SAP130: variants seen among roughly 807,000 people sequenced by gnomAD.
The protein encoded by SAP130 is Sin3A associated protein 130, also known as histone deacetylase complex subunit SAP130.
A neutral mutation model predicts 103.2 loss-of-function variants in SAP130; 16 were observed. The observed-to-expected ratio is 0.16, with a 90% CI of 0.10 to 0.24. The LOEUF is 0.24. Ranked by LOEUF, SAP130 falls within the 10% of genes least tolerant of loss-of-function variation. SAP130 has a pLI of 1.00. For missense variants in SAP130, 990 were observed against 1,359.7 expected, an observed-to-expected ratio of 0.73 and a Z score of 4.28; for synonymous variants, 477 against 497.0, an observed-to-expected ratio of 0.96 and a Z score of 0.53.
intron 18 of SAP130, among the ~76,000 whole-genome samples, chr2:127,946,539 C>T (rs77223214): frequency 0.08 from 12,112 of 151,886 alleles, 962 homozygotes; most frequent in African/African-American, 0.2. Flanking sequence ...ATGGTTTTCC[C>T]CCCAAAGACA....
At chr2:128,024,388 G>A (rs1480603199) in intron 2 of SAP130, among the ~76,000 whole-genome samples, 1 of 152,034 alleles carries the variant, frequency 6.6e-6, no homozygotes, top group African/African-American at 2.4e-5. Context: ...ATTAGACAAG[G>A]GCCATAGCTC....
intron 16 of SAP130, among the ~76,000 whole-genome samples, chr2:127,951,733 G>A (rs1474387102): frequency 1.3e-5 from 2 of 152,072 alleles, no homozygotes; most frequent in South Asian, 2.1e-4. Flanking sequence ...ACTGAATGTC[G>A]CCAGAGGGAG....
chr2:127,987,466 G>A (rs1012250673), intron 13 of SAP130, among the ~76,000 whole-genome samples: 5 of 152,056 alleles, frequency 3.3e-5, no homozygotes, highest in East Asian at 1.9e-4. Context: ...GATTACAGGC[G>A]TGAGCCACCA....
chr2:127,944,618 CAG>C (rs910853748), intron 19 of SAP130, among the ~76,000 whole-genome samples: 2 of 152,030 alleles, frequency 1.3e-5, no homozygotes, highest in African/African-American at 4.8e-5. Context: ...TTAGTAGAGA[CAG>C]GGGTTTCACC....
At chr2:128,003,405 G>A (rs1268234750) in intron 7 of SAP130, among the ~76,000 whole-genome samples, 1 of 149,996 alleles carries the variant, frequency 6.7e-6, no homozygotes, top group East Asian at 2.0e-4. Flanking sequence ...TACTCAGGAG[G>A]CTGAGGTGGG....
intron 2 of SAP130, among the ~76,000 whole-genome samples, chr2:128,022,396 T>C (rs1008880528): frequency 6.6e-6 from 1 of 152,370 alleles, no homozygotes; most frequent in African/African-American, 2.4e-5. Context: ...GTTTTGGCTA[T>C]TATGAATACA....
intron 2 of SAP130, among the ~76,000 whole-genome samples, chr2:128,020,156 ACT>A (rs2105231574): frequency 6.6e-6 from 1 of 152,190 alleles, no homozygotes; most frequent in South Asian, 2.1e-4. Context: ...TATTCATTTG[ACT>A]TTTTTTTCTT....
At chr2:128,012,941 G>GA in intron 6 of SAP130, 89 bp downstream of exon 6, 1 of 1,287,626 alleles carries the variant, frequency 7.8e-7, no homozygotes, top group Non-Finnish European at 1.0e-6. Context: ...CAACTAGATG[G>GA]AAAGTCCCTG....
At chr2:128,026,731 C>T (rs1685523072) in intron 1 of SAP130, among the ~76,000 whole-genome samples, 2 of 152,234 alleles carry the variant, frequency 1.3e-5, no homozygotes. Context: ...AGGAAGATAT[C>T]CAGCCCTAAG....
Position 127,942,048 on chromosome 2 carries a change from A to T in SAP130, c.3132T>A (p.Thr1044=), listed in dbSNP as rs1351268396. 6.2e-7 allele frequency: 1 copy of T among 1,606,520 alleles called. No individual in the cohort carries two copies. Among genetic ancestry groups the T allele is most frequent in the Admixed American group, 1.7e-5 (1 of 58,044 alleles). The part of the protein sequence containing the change: ...RVLKLLNKNG[T]VKKVSKLKRK... ...GCTTCAATTTGGACACTTTTTTGACAGTCCCGTTCTTGTTAAGCAGCTTCA... is the reference window on the plus strand; with the variant it reads ...GCTTCAATTTGGACACTTTTTTGACTGTCCCGTTCTTGTTAAGCAGCTTCA... Residue 1044 remains threonine, a synonymous_variant, in exon 21 of 21, where the codon ACT becomes ACA. Transcript: ENST00000643581. This position sits in a 1 kb window ranked among gnomAD's most constrained non-coding sequence, Gnocchi z 4.8.
In SAP130 at chr2:127,978,690, T is replaced by C. The variant is rs772770755; in HGVS notation, c.1959-601A>G. ...GAGAGAAAATAACTAGACAGGAATA[T>C]ACCAGTTTACAACACATAATCACTA... On this transcript the variant is annotated intron_variant, in intron 14 of 20. Transcript: ENST00000643581. 5.3e-5 allele frequency among the ~76,000 whole-genome samples: 8 copies of C among 152,276 alleles called. No homozygotes were observed. The East Asian group carries it at 1.3e-3, about 26-fold the overall frequency.
intron 18 of SAP130, among the ~76,000 whole-genome samples, chr2:127,946,209 G>C (rs1398155189): frequency 1.3e-5 from 2 of 152,180 alleles, no homozygotes; most frequent in Non-Finnish European, 2.9e-5. Flanking sequence ...GAGTCCATTT[G>C]CAAGAGTGTG....
In SAP130 at chr2:128,017,706, G is replaced by A; in HGVS notation, c.322C>T (p.Leu108Phe). ...PPAHLTPAVP[L>F]SFSEGLMKPP... Reference sequence around the variant, plus strand: ...TTCATAAGTCCCTCCGAAAATGAAAGTGGCACTGCTGGCGTCAGGTGTGCT... The same window carrying A: ...TTCATAAGTCCCTCCGAAAATGAAAATGGCACTGCTGGCGTCAGGTGTGCT... Residue 108 changes from leucine to phenylalanine, a missense_variant, in exon 3 of 21, where the codon CTT (leucine) becomes TTT (phenylalanine). By Grantham distance (22) the Leu-to-Phe change is conservative. Transcript: ENST00000643581. 1 of 1,614,232 alleles carries A rather than the reference G, an allele frequency of 6.2e-7. No homozygotes were observed.
In SAP130 at chr2:127,945,628, A is replaced by G. The variant is rs139590470; in HGVS notation, c.2798-69T>C. ...AAAGGTAAATGATTTGTGTTCGAGCAGTGTAAATGCCATTATTTTAACAAG... is the reference window on the plus strand; with the variant it reads ...AAAGGTAAATGATTTGTGTTCGAGCGGTGTAAATGCCATTATTTTAACAAG... On this transcript the variant is annotated intron_variant, in intron 18 of 20. Coordinates refer to ENST00000643581, the MANE Select transcript of SAP130 (RefSeq NM_001330301.2). The G allele has an allele frequency of 7.8e-4, 708 of 913,052 alleles. 11 individuals are homozygous for G. The East Asian group carries it at 0.015, about 19-fold the overall frequency. 56.6% of individuals were successfully genotyped at this position (913,052 alleles called of 1,614,324 possible). A position where few individuals can be genotyped will look rare whatever the true frequency, so the allele number is the denominator to read the frequency against.
In SAP130 at chr2:127,989,589, C is replaced by T; in HGVS notation, c.1755G>A (p.Gln585=). The T allele has an allele frequency of 6.2e-7, 1 of 1,612,082 alleles. No individual in the cohort carries two copies. The highest frequency in any genetic ancestry group is 8.5e-7 in the Non-Finnish European group (1 of 1,178,486). The change falls in exon 13 of 21, where the codon CAG becomes CAA. Residue 585 remains glutamine (Q), a synonymous_variant. Transcript: ENST00000643581. The surrounding 1 kb of genome is among the most constrained non-coding windows in gnomAD (Gnocchi z 4.6). Reference sequence around the variant, plus strand: ...CTGAAGTCTTTCCTTCAGGCTGAGGCTGCTGAGTACCCATAGGTGCAGGCT... The same window carrying T: ...CTGAAGTCTTTCCTTCAGGCTGAGGTTGCTGAGTACCCATAGGTGCAGGCT... The part of the protein sequence containing the change: ...GLQPAPMGTQ[Q]PQPEGKTSAV...
intron 13 of SAP130, among the ~76,000 whole-genome samples, chr2:127,987,657 C>T (rs547289877): frequency 1.3e-5 from 2 of 152,152 alleles, no homozygotes; most frequent in African/African-American, 4.8e-5. Context: ...AGAAAACTGA[C>T]AGACAAGAAA....
At chr2:128,003,737 A>G (rs1683742200) in intron 7 of SAP130, among the ~76,000 whole-genome samples, 1 of 151,910 alleles carries the variant, frequency 6.6e-6, no homozygotes, top group Admixed American at 6.6e-5. Context: ...TCTAATCACC[A>G]TATTACAGGT....
At chr2:127,995,757 G>GA (rs1455689412) in intron 11 of SAP130, among the ~76,000 whole-genome samples, 3 of 152,066 alleles carry the variant, frequency 2.0e-5, no homozygotes, top group Admixed American at 1.3e-4. Context: ...TTTTCCAGTA[G>GA]AAAAAACCAG....
At chr2:127,952,862 C>G (rs1003655126) in intron 16 of SAP130, among the ~76,000 whole-genome samples, 2 of 152,180 alleles carry the variant, frequency 1.3e-5, no homozygotes, top group South Asian at 4.1e-4. Flanking sequence ...CATGATAGCA[C>G]AACACCATCC....
Sources: allele counts gnomAD v4.1 joint callset (sites outside exome capture counted in the v4.1 genomes callset), GRCh38; gene constraint gnomAD v4.1.1; non-coding constraint Gnocchi (gnomAD v3.1); transcripts MANE v1.5; gene names NCBI Gene and HGNC (gene_info 2026-07-23, HGNC 2026-07-21).